Variants in SCRIB observed in about 807,000 individuals in gnomAD.
SCRIB encodes protein scribble homolog.
In SCRIB, 72 loss-of-function variants were observed where a neutral mutation model predicts 170.0. The observed-to-expected ratio is 0.42, with a 90% CI of 0.35 to 0.52. SCRIB has a LOEUF of 0.52. SCRIB is among the 20% of genes least tolerant of loss of function. The pLI, the probability that SCRIB is intolerant of heterozygous loss-of-function variation, is 0.02. For synonymous variants in SCRIB, 1,298 were observed against 1,044.3 expected (o/e 1.24, Z -4.68); for missense variants, 2,475 against 2,338.5 (o/e 1.06, Z -1.20).
chr8:143,795,229 A>AC (rs782051792), intron 26 of SCRIB, 48 bp downstream of exon 26: 1 of 1,609,770 alleles, frequency 6.2e-7, no homozygotes, highest in Non-Finnish European at 8.5e-7. Context: ...GGCAATGTGC[A>AC]CCCCGCTCCA....
intron 14 of SCRIB, 122 bp downstream of exon 14, chr8:143,809,429 C>T (rs749242889): frequency 1.9e-5 from 22 of 1,160,292 alleles, no homozygotes; most frequent in Non-Finnish European, 2.7e-5. Context: ...GGGCAGCTCC[C>T]CGAAGCATCA....
chr8:143,803,893 G>T lies in SCRIB; in HGVS notation c.3168C>A (p.Asp1056Glu). 2 of 1,594,824 alleles carry T rather than the reference G, an allele frequency of 1.3e-6. No homozygotes were observed. The highest frequency in any genetic ancestry group is 1.7e-6 in the Non-Finnish European group (2 of 1,170,978). The stretch of plus-strand genomic sequence containing the variant: ...CTTGCCCGTTCACTGCCAGGATGCG[G>T]TCCCCAACCCGCAGGCCGCTGCGAG... ...LAARSGLRVGDRILAVNGQDV... is the reference protein window; with the variant it reads ...LAARSGLRVGERILAVNGQDV... Residue 1056 changes from aspartate to glutamate, a missense_variant, in exon 23 of 37, where the codon GAC (aspartate) becomes GAA (glutamate). Asp to Glu is a conservative substitution (Grantham distance 45). This residue lies in a region of SCRIB where 1,966 missense variants were observed against 1,742.9 expected (regional missense o/e 1.13). Coordinates refer to ENST00000356994, the MANE Select transcript of SCRIB (RefSeq NM_182706.5).
chr8:143,811,626 G>A (rs191023907), intron 9 of SCRIB, among the ~76,000 whole-genome samples: 200 of 152,212 alleles, frequency 1.3e-3, no homozygotes, highest in African/African-American at 4.2e-3. Context: ...GCCCTGGACT[G>A]ACCTGCGAGG....
At position 143,813,618 on chromosome 8, in the gene SCRIB, C is replaced by T; in HGVS notation, c.446+19G>A. The stretch of plus-strand genomic sequence containing the variant: ...CTGGTCCCCCACCCCACCCTAGTTC[C>T]ACCTGAGAAGGCACTCACTTGCCCA... On this transcript the variant is annotated intron_variant, in intron 4 of 36. Coordinates refer to ENST00000356994, the MANE Select transcript of SCRIB (RefSeq NM_182706.5). 9 of 1,612,960 alleles carry T rather than the reference C, an allele frequency of 5.6e-6. No individual in the cohort carries two copies. Among genetic ancestry groups the T allele is most frequent in the Non-Finnish European group, 7.6e-6 (9 of 1,179,758 alleles).
At position 143,810,382 on chromosome 8, in the gene SCRIB, T is replaced by A; in HGVS notation, c.1530+97A>T. On this transcript the variant is annotated intron_variant, in intron 13 of 36. Coordinates refer to ENST00000356994, the MANE Select transcript of SCRIB (RefSeq NM_182706.5). ...AGCCTCATCTCCTGCTCCTTCTCTG[T>A]GCTGCCCTGGCCCTCACAGCCCCAC... is the stretch of plus-strand genomic sequence containing the variant. 6 of 1,513,222 alleles carry A rather than the reference T, an allele frequency of 4.0e-6. No homozygotes were observed. The East Asian group carries it at 1.4e-4, about 34-fold the overall frequency. 93.7% of individuals were successfully genotyped at this position (1,513,222 alleles called of 1,614,324 possible).
At chr8:143,809,864 T>C (rs1432960447) in intron 13 of SCRIB, 146 bp from the exon 14 acceptor site, 20 of 901,518 alleles carry the variant, frequency 2.2e-5, no homozygotes, top group Non-Finnish European at 2.8e-5. Context: ...TCGCAGCTGC[T>C]CCCTGTCCCA....
Position 143,795,504 on chromosome 8 carries a change from G to A in SCRIB, c.3630C>T (p.Pro1210=). ...TCCGGTGGCCGATGCCTGCCGCAAA[G>A]GGGTTGGCAATGACACCTGGGGACA... is the stretch of plus-strand genomic sequence containing the variant. The part of the protein sequence containing the change: ...LEVSPGVIAN[P]FAAGIGHRNS... The change falls in exon 25 of 37, where the codon CCC becomes CCT. Residue 1210 remains proline (P), a synonymous_variant. Coordinates refer to ENST00000356994, the MANE Select transcript of SCRIB (RefSeq NM_182706.5). 6.2e-7 allele frequency: 1 copy of A among 1,613,112 alleles called. No homozygotes were observed. The highest frequency in any genetic ancestry group is 8.5e-7 in the Non-Finnish European group (1 of 1,179,662).
intron 24 of SCRIB, among the ~76,000 whole-genome samples, chr8:143,796,592 C>T (rs1423512282): frequency 6.6e-6 from 1 of 152,216 alleles, no homozygotes; most frequent in Non-Finnish European, 1.5e-5. Context: ...ATGATACAGT[C>T]ATCAACTGTA....
At chr8:143,792,945 C>A in intron 29 of SCRIB, 31 bp downstream of exon 29, 1 of 1,499,392 alleles carries the variant, frequency 6.7e-7, no homozygotes, top group Non-Finnish European at 8.9e-7. Flanking sequence ...CCCAACCACG[C>A]GCAGCAGGGA....
chr8:143,807,523 G>T (rs782775759), intron 16 of SCRIB, 29 bp downstream of exon 16: 7 of 1,597,778 alleles, frequency 4.4e-6, no homozygotes, highest in Non-Finnish European at 6.0e-6. Context: ...GCAGCGGCCC[G>T]GCCAGAGTGC....
Position 143,803,698 on chromosome 8 carries a change from GC to G in SCRIB, c.3362del (p.Gly1121AlafsTer19). On this transcript the variant is annotated frameshift_variant, in exon 23 of 37. Transcript: ENST00000356994. LOFTEE classifies it high-confidence loss of function. ...LGISIRGGARGHAGNPRDPTD... is the reference protein window; with the variant it reads ...LGISIRGGARXHAGNPRDPTD... Reference sequence around the variant, plus strand: ...TGGGGTCGCGGGGGTTGCCAGCGTGGCCCCTGGCACCCCCGCGGATGCTGAT... The same window carrying G: ...TGGGGTCGCGGGGGTTGCCAGCGTGGCCCTGGCACCCCCGCGGATGCTGAT... 1 of 1,584,270 alleles carries G rather than the reference GC, an allele frequency of 6.3e-7. No individual in the cohort carries two copies.
At position 143,811,150 on chromosome 8, in the gene SCRIB, TC is replaced by T; in HGVS notation, c.1101del (p.Asn368ThrfsTer88). The T allele has an allele frequency of 6.3e-7, 1 of 1,599,746 alleles. No individual in the cohort carries two copies. Among genetic ancestry groups the T allele is most frequent in the Non-Finnish European group, 8.5e-7 (1 of 1,173,726 alleles). On this transcript the variant is annotated frameshift_variant, in exon 10 of 37. Transcript: ENST00000356994. LOFTEE classifies it high-confidence loss of function. ...CAGGGCAAGGCTGGCACTCACCGGT[TC>T]CCCGCCACGTCCAGCACGTGCAGCT... ...TTELHVLDVA[G>X]NRLQSLPFAL... is the part of the protein sequence containing the mutation.
Position 143,792,112 on chromosome 8 carries a change from G to A in SCRIB, c.4536C>T (p.Asp1512=), listed in dbSNP as rs781826923. 74 of 1,582,496 alleles carry A rather than the reference G, an allele frequency of 4.7e-5. No individual in the cohort carries two copies. The highest frequency in any genetic ancestry group is 3.1e-4 in the East Asian group (14 of 44,654). ...TGAGGACCATCTGTGCTCGGAGAGC[G>A]TCCTGTTCCAATGACTTCATCCTGC... ...RAARMKSLEQ[D]ALRAQMVLSR... Residue 1512 remains aspartate (D), a synonymous_variant, in exon 33 of 37, where the codon GAC becomes GAT. Coordinates refer to ENST00000356994, the MANE Select transcript of SCRIB (RefSeq NM_182706.5).
chr8:143,802,731 G>C (rs1815225721), intron 24 of SCRIB, among the ~76,000 whole-genome samples: 1 of 152,248 alleles, frequency 6.6e-6, no homozygotes. Flanking sequence ...GGAGCCCCCT[G>C]AGACAGGCCA....
chr8:143,812,676 C>T, intron 8 of SCRIB, 141 bp downstream of exon 8: 7 of 1,175,610 alleles, frequency 6.0e-6, no homozygotes, highest in Non-Finnish European at 8.3e-6. Flanking sequence ...TCCCACCTCC[C>T]CTCCCCAGGG....
intron 22 of SCRIB, 41 bp from the exon 23 acceptor site, chr8:143,803,981 C>A: frequency 6.4e-7 from 1 of 1,570,872 alleles, no homozygotes; most frequent in Non-Finnish European, 8.6e-7. Flanking sequence ...TGAGGCCGCG[C>A]TGACCTGCGC....
Position 143,807,575 on chromosome 8 carries a change from G to T in SCRIB, c.2155C>A (p.Pro719Thr), listed in dbSNP as rs1554636918. ...FDQANNLLIE[P>T]ARIEEEELTL... ...ACCTCTTCCTCCTCAATGCGAGCAGGCTCTATCAGCAGGTTATTGGCCTGG... is the reference window on the plus strand; with the variant it reads ...ACCTCTTCCTCCTCAATGCGAGCAGTCTCTATCAGCAGGTTATTGGCCTGG... Residue 719 changes from proline to threonine, a missense_variant, in exon 16 of 37, where the codon CCT (proline) becomes ACT (threonine). Around this residue, in one of 3 missense-constraint regions of SCRIB, gnomAD observed 1,966 missense variants for 1,742.9 expected, o/e 1.13. Transcript: ENST00000356994. The T allele has an allele frequency of 6.2e-7, 1 of 1,613,930 alleles. No homozygotes were observed. The highest frequency in any genetic ancestry group is 1.7e-5 in the Admixed American group (1 of 60,012).
rs149808301 is a variant in SCRIB, at chr8:143,811,208, G to A, written c.1044C>T (p.Ala348=). 4.1e-5 allele frequency: 66 copies of A among 1,611,406 alleles called. No homozygotes were observed. The highest frequency in any genetic ancestry group is 1.2e-4 in the African/African-American group (9 of 74,902). ...SVLSLRDNRL[A]VLPPELAHTT... ...TGTGGGCCAGCTCTGGTGGCAGGAC[G>A]GCCAGGCGGTTGTCCCTCAAGGAGA... The change falls in exon 10 of 37, where the codon GCC becomes GCT. Residue 348 remains alanine, a synonymous_variant. Transcript: ENST00000356994.
intron 17 of SCRIB, 26 bp downstream of exon 17, chr8:143,806,898 G>A (rs782389696): frequency 4.5e-6 from 7 of 1,539,134 alleles, no homozygotes; most frequent in African/African-American, 4.1e-5. Flanking sequence ...AGTGGCAGCG[G>A]AAAGGCCCTC....
Sources: allele counts gnomAD v4.1 joint callset (sites outside exome capture counted in the v4.1 genomes callset), GRCh38; gene constraint gnomAD v4.1.1; regional missense constraint gnomAD v4.1.1; transcripts MANE v1.5; gene names NCBI Gene and HGNC (gene_info 2026-07-23, HGNC 2026-07-21).